Variants in GADD45B observed in about 807,000 individuals in gnomAD.
GADD45B encodes growth arrest and DNA damage inducible beta, also known as growth arrest and DNA damage-inducible protein GADD45 beta.
Under a neutral mutation model 15.2 loss-of-function variants are expected in GADD45B, and 8 were observed. The ratio of observed to expected loss-of-function variants is 0.53; its 90% CI spans 0.31 to 0.95. The LOEUF is 0.95. Among genes scored for constraint, GADD45B ranks in the 40% least tolerant of loss-of-function variants. The probability of loss-of-function intolerance (pLI) is 0.05; values close to 1 mark genes in which losing one functional copy is unlikely to be tolerated. For synonymous variants in GADD45B, 100 were observed against 89.8 expected (o/e 1.11, Z -0.64); for missense variants, 162 against 216.6 (o/e 0.75, Z 1.58).
In GADD45B at chr19:2,476,129, A is replaced by G. The variant is rs566028546; in HGVS notation, c.-230A>G. 7 of 597,276 alleles carry G rather than the reference A, an allele frequency of 1.2e-5. No individual in the cohort carries two copies. The highest frequency in any genetic ancestry group is 1.1e-4 in the East Asian group (4 of 35,788). The allele number at this position is 597,276 out of a possible 1,614,324, so 37.0% of individuals were successfully genotyped here. ...TCGGTGCCGGAGGCTCCCAGCTCAG[A>G]TCGCCGAAGCGTCGGACTACCGTTG... On this transcript the variant is annotated 5_prime_UTR_variant, in exon 1 of 4. Transcript: ENST00000215631.
intron 2 of GADD45B, 138 bp from the exon 3 acceptor site, chr19:2,476,891 A>G: frequency 1.7e-6 from 1 of 580,468 alleles, no homozygotes; most frequent in East Asian, 2.8e-5. Flanking sequence ...CCCCACCGTC[A>G]CCAGCTTGCA....
At chr19:2,476,704 C>T in intron 2 of GADD45B, 74 bp downstream of exon 2, 1 of 901,184 alleles carries the variant, frequency 1.1e-6, no homozygotes, top group South Asian at 1.6e-5. Flanking sequence ...GCTTTCCGCA[C>T]GCTTGTCTTG....
rs1972341521 is a variant in GADD45B, at chr19:2,477,811, G to A, written c.*210G>A. On this transcript the variant is annotated 3_prime_UTR_variant, in exon 4 of 4. Transcript: ENST00000215631. The surrounding 1 kb of genome is among the most constrained non-coding windows in gnomAD (Gnocchi z 4.2). ...CCAGGGCGGAGATCCAGGAGCTGGC[G>A]GCCGCCGATCCGATGGAGAAGGGGG... is the stretch of plus-strand genomic sequence containing the variant. 2.3e-6 allele frequency: 1 copy of A among 436,150 alleles called. No homozygotes were observed. Among genetic ancestry groups the A allele is most frequent in the Non-Finnish European group, 4.2e-6 (1 of 238,094 alleles). 27.0% of individuals were successfully genotyped at this position (436,150 alleles called of 1,614,324 possible).
rs554598457 is a variant in GADD45B at position 2,476,139 on chromosome 19, C to G, written c.-220C>G. On this transcript the variant is annotated 5_prime_UTR_variant, in exon 1 of 4. Coordinates refer to ENST00000215631, the MANE Select transcript of GADD45B (RefSeq NM_015675.4). ...AGGCTCCCAGCTCAGATCGCCGAAG[C>G]GTCGGACTACCGTTGGTTTCCGCAA... The G allele has an allele frequency of 3.3e-6, 2 of 600,864 alleles. No homozygotes were observed. Among genetic ancestry groups the G allele is most frequent in the East Asian group, 2.8e-5 (1 of 36,012 alleles). 37.2% of individuals were successfully genotyped at this position (600,864 alleles called of 1,614,324 possible).
chr19:2,476,884 C>T, intron 2 of GADD45B, 145 bp from the exon 3 acceptor site: 1 of 629,524 alleles, frequency 1.6e-6, no homozygotes, highest in South Asian at 1.9e-5. Flanking sequence ...CCCCTCCCCC[C>T]ACCGTCACCA....
In GADD45B at chr19:2,477,712, G is replaced by T; in HGVS notation, c.*111G>T. 1 of 571,814 alleles carries T rather than the reference G, an allele frequency of 1.7e-6. No individual in the cohort carries two copies. The highest frequency in any genetic ancestry group is 2.7e-5 in the Admixed American group (1 of 36,836). 35.4% of individuals were successfully genotyped at this position (571,814 alleles called of 1,614,324 possible). A position where few individuals can be genotyped will look rare whatever the true frequency, so the allele number is the denominator to read the frequency against. On this transcript the variant is annotated 3_prime_UTR_variant, in exon 4 of 4. Transcript: ENST00000215631. This position sits in a 1 kb window ranked among gnomAD's most constrained non-coding sequence, Gnocchi z 4.2. ...ACCCCCCCAAAACAACCCAACCCAC[G>T]AGGACCATCGGGGGCAGAGTCGTTG...
At position 2,477,688 on chromosome 19, in the gene GADD45B, C is replaced by G. The variant is rs546752644; in HGVS notation, c.*87C>G. 5 of 603,580 alleles carry G rather than the reference C, an allele frequency of 8.3e-6. No individual in the cohort carries two copies. Among genetic ancestry groups the G allele is most frequent in the Admixed American group, 7.5e-5 (3 of 39,996 alleles). The allele number at this position is 603,580 out of a possible 1,614,324, so 37.4% of individuals were successfully genotyped here. On this transcript the variant is annotated 3_prime_UTR_variant, in exon 4 of 4. Coordinates refer to ENST00000215631, the MANE Select transcript of GADD45B (RefSeq NM_015675.4). This position sits in a 1 kb window ranked among gnomAD's most constrained non-coding sequence, Gnocchi z 4.2. ...TTGAACCCCCTCCCCCCCAGCACAA[C>G]CCCCCCAAAACAACCCAACCCACGA...
rs1972346023 is a variant in GADD45B at position 2,478,146 on chromosome 19, C to T, written c.*545C>T. ...CCAGTTTGCGAATTATAGAGACAATCTATTTTGTTACTTGCACTTGTTATT... is the reference window on the plus strand; with the variant it reads ...CCAGTTTGCGAATTATAGAGACAATTTATTTTGTTACTTGCACTTGTTATT... On this transcript the variant is annotated 3_prime_UTR_variant, in exon 4 of 4. Transcript: ENST00000215631. 6.6e-6 allele frequency: 1 copy of T among 152,362 alleles called. No individual in the cohort carries two copies. Among genetic ancestry groups the T allele is most frequent in the Non-Finnish European group, 1.5e-5 (1 of 68,124 alleles). 9.4% of individuals were successfully genotyped at this position (152,362 alleles called of 1,614,324 possible).
chr19:2,477,669 C>A lies in GADD45B; in HGVS notation c.*68C>A. On this transcript the variant is annotated 3_prime_UTR_variant, in exon 4 of 4. Transcript: ENST00000215631. The surrounding 1 kb of genome is among the most constrained non-coding windows in gnomAD (Gnocchi z 4.2). ...CAAAAAATACAATAAATATTTGAAC[C>A]CCCTCCCCCCCAGCACAACCCCCCC... 1.3e-6 allele frequency: 1 copy of A among 783,758 alleles called. No homozygotes were observed. Among genetic ancestry groups the A allele is most frequent in the South Asian group, 1.6e-5 (1 of 63,834 alleles). The allele number at this position is 783,758 out of a possible 1,614,324, so 48.6% of individuals were successfully genotyped here. A position where few individuals can be genotyped will look rare whatever the true frequency, so the allele number is the denominator to read the frequency against.
In GADD45B at chr19:2,476,641, C is replaced by G; in HGVS notation, c.146+11C>G. On this transcript the variant is annotated intron_variant, in intron 2 of 3. Coordinates refer to ENST00000215631, the MANE Select transcript of GADD45B (RefSeq NM_015675.4). Reference sequence around the variant, plus strand: ...CAAGTTGATGAATGTGTGAGTCAGACCCCCTTCCCGGGCTGGGCGCGGGTG... The same window carrying G: ...CAAGTTGATGAATGTGTGAGTCAGAGCCCCTTCCCGGGCTGGGCGCGGGTG... 1 of 1,498,570 alleles carries G rather than the reference C, an allele frequency of 6.7e-7. No individual in the cohort carries two copies. Among genetic ancestry groups the G allele is most frequent in the Non-Finnish European group, 9.1e-7 (1 of 1,101,512 alleles). 92.8% of individuals were successfully genotyped at this position (1,498,570 alleles called of 1,614,324 possible).
In GADD45B at chr19:2,477,290, A is replaced by G; in HGVS notation, c.369+39A>G. On this transcript the variant is annotated intron_variant, in intron 3 of 3. Transcript: ENST00000215631. The surrounding 1 kb of genome is among the most constrained non-coding windows in gnomAD (Gnocchi z 4.2). The stretch of plus-strand genomic sequence containing the variant: ...CTGCCCTGCCCCGCCACGCCCGGGC[A>G]CCTGGGCCGGTGTTTGTCAACAAAG... 1 of 1,373,478 alleles carries G rather than the reference A, an allele frequency of 7.3e-7. No individual in the cohort carries two copies. Among genetic ancestry groups the G allele is most frequent in the Non-Finnish European group, 9.9e-7 (1 of 1,007,488 alleles). 85.1% of individuals were successfully genotyped at this position (1,373,478 alleles called of 1,614,324 possible). A position where few individuals can be genotyped will look rare whatever the true frequency, so the allele number is the denominator to read the frequency against.
rs1385772953 is a variant in GADD45B at position 2,477,721 on chromosome 19, C to CG, written c.*125dup. On this transcript the variant is annotated 3_prime_UTR_variant, in exon 4 of 4. Coordinates refer to ENST00000215631, the MANE Select transcript of GADD45B (RefSeq NM_015675.4). The surrounding 1 kb of genome is among the most constrained non-coding windows in gnomAD (Gnocchi z 4.2). Reference sequence around the variant, plus strand: ...AAACAACCCAACCCACGAGGACCATCGGGGGCAGAGTCGTTGGAGACTGAA... The same window carrying CG: ...AAACAACCCAACCCACGAGGACCATCGGGGGGCAGAGTCGTTGGAGACTGAA... 3 of 570,034 alleles carry CG rather than the reference C, an allele frequency of 5.3e-6. No individual in the cohort carries two copies. Among genetic ancestry groups the CG allele is most frequent in the African/African-American group, 3.9e-5 (2 of 51,342 alleles). The allele number at this position is 570,034 out of a possible 1,614,324, so 35.3% of individuals were successfully genotyped here. A position where few individuals can be genotyped will look rare whatever the true frequency, so the allele number is the denominator to read the frequency against.
chr19:2,477,841 C>T lies in GADD45B; in HGVS notation c.*240C>T. 5.2e-6 allele frequency: 2 copies of T among 382,144 alleles called. No homozygotes were observed. Among genetic ancestry groups the T allele is most frequent in the South Asian group, 2.7e-5 (1 of 36,536 alleles). 23.7% of individuals were successfully genotyped at this position (382,144 alleles called of 1,614,324 possible). A position where few individuals can be genotyped will look rare whatever the true frequency, so the allele number is the denominator to read the frequency against. ...CCGATCCGATGGAGAAGGGGGGACC[C>T]AGGCCAGCAGGAGACAGGACCCCCG... On this transcript the variant is annotated 3_prime_UTR_variant, in exon 4 of 4. Coordinates refer to ENST00000215631, the MANE Select transcript of GADD45B (RefSeq NM_015675.4). The surrounding 1 kb of genome is among the most constrained non-coding windows in gnomAD (Gnocchi z 4.2).
At position 2,476,390 on chromosome 19, in the gene GADD45B, A is replaced by C. The variant is rs140611154; in HGVS notation, c.32A>C (p.Asn11Thr). 1 of 1,612,930 alleles carries C rather than the reference A, an allele frequency of 6.2e-7. No homozygotes were observed. Among genetic ancestry groups the C allele is most frequent in the Non-Finnish European group, 8.5e-7 (1 of 1,179,632 alleles). Residue 11 changes from asparagine (N) to threonine (T), a missense_variant, in exon 1 of 4, where the codon AAC becomes ACC. Physicochemically the swap from Asn to Thr is moderately conservative, Grantham distance 65. Transcript: ENST00000215631. ...CTGGAAGAGCTCGTGGCGTGCGACA[A>C]CGCGGCGCAGAAGTAAGTAGCCGGG... MTLEELVACD[N>T]AAQKMQTVTA...
In GADD45B at chr19:2,476,160, C is replaced by A. The variant is rs559432679; in HGVS notation, c.-199C>A. ...GAAGCGTCGGACTACCGTTGGTTTC[C>A]GCAACTTCCTGGATTATCCTCGCCA... On this transcript the variant is annotated 5_prime_UTR_variant, in exon 1 of 4. Transcript: ENST00000215631. 4.8e-6 allele frequency: 3 copies of A among 624,360 alleles called. No individual in the cohort carries two copies. The highest frequency in any genetic ancestry group is 2.7e-5 in the East Asian group (1 of 36,610). The allele number at this position is 624,360 out of a possible 1,614,324, so 38.7% of individuals were successfully genotyped here.
At position 2,476,333 on chromosome 19, in the gene GADD45B, C is replaced by T; in HGVS notation, c.-26C>T. On this transcript the variant is annotated 5_prime_UTR_variant, in exon 1 of 4. Transcript: ENST00000215631. ...CTCCCTGGGGACTGCCGTGGAGCCG[C>T]ATCCACTGTGGATTATAATTGCAAC... The T allele has an allele frequency of 6.2e-7, 1 of 1,612,812 alleles. No individual in the cohort carries two copies. The highest frequency in any genetic ancestry group is 8.5e-7 in the Non-Finnish European group (1 of 1,178,994).
Position 2,476,149 on chromosome 19 carries a change from C to T in GADD45B, c.-210C>T, listed in dbSNP as rs3783494. ...CTCAGATCGCCGAAGCGTCGGACTACCGTTGGTTTCCGCAACTTCCTGGAT... is the reference window on the plus strand; with the variant it reads ...CTCAGATCGCCGAAGCGTCGGACTATCGTTGGTTTCCGCAACTTCCTGGAT... On this transcript the variant is annotated 5_prime_UTR_variant, in exon 1 of 4. Coordinates refer to ENST00000215631, the MANE Select transcript of GADD45B (RefSeq NM_015675.4). 3.7e-3 allele frequency: 2,228 copies of T among 609,472 alleles called. 27 individuals are homozygous for T. Among genetic ancestry groups the T allele is most frequent in the African/African-American group, 0.035 (1,886 of 54,212 alleles). 37.8% of individuals were successfully genotyped at this position (609,472 alleles called of 1,614,324 possible). A position where few individuals can be genotyped will look rare whatever the true frequency, so the allele number is the denominator to read the frequency against.
intron 2 of GADD45B, 48 bp from the exon 3 acceptor site, chr19:2,476,981 C>A: frequency 1.5e-6 from 2 of 1,293,760 alleles, no homozygotes; most frequent in Non-Finnish European, 2.2e-6. Flanking sequence ...GCACGGTGGC[C>A]CCTCCCCTGT....
rs1341580107 is a variant in GADD45B, at chr19:2,476,165, C to T, written c.-194C>T. 1 of 633,372 alleles carries T rather than the reference C, an allele frequency of 1.6e-6. No homozygotes were observed. Among genetic ancestry groups the T allele is most frequent in the Non-Finnish European group, 2.8e-6 (1 of 359,490 alleles). The allele number at this position is 633,372 out of a possible 1,614,324, so 39.2% of individuals were successfully genotyped here. A position where few individuals can be genotyped will look rare whatever the true frequency, so the allele number is the denominator to read the frequency against. ...GTCGGACTACCGTTGGTTTCCGCAA[C>T]TTCCTGGATTATCCTCGCCAAGGAC... On this transcript the variant is annotated 5_prime_UTR_variant, in exon 1 of 4. Transcript: ENST00000215631.
Sources: allele counts gnomAD v4.1 joint callset, GRCh38; gene constraint gnomAD v4.1.1; non-coding constraint Gnocchi (gnomAD v3.1); transcripts MANE v1.5; gene names NCBI Gene and HGNC (gene_info 2026-07-23, HGNC 2026-07-21).